The following PLEKHM2 variants were observed in gnomAD, a reference collection of about 807,000 sequenced individuals.
The protein encoded by PLEKHM2 is pleckstrin homology and RUN domain containing M2.
A neutral mutation model predicts 116.3 loss-of-function variants in PLEKHM2; 77 were observed. The observed-to-expected ratio is 0.66, with a 90% CI of 0.55 to 0.80. PLEKHM2 has a LOEUF of 0.80. Among genes scored for constraint, PLEKHM2 ranks in the 30% least tolerant of loss-of-function variants. PLEKHM2 has a pLI of 0.00. For synonymous variants in PLEKHM2, 562 were observed against 571.0 expected (o/e 0.98, Z 0.22); for missense variants, 1,183 against 1,354.9 (o/e 0.87, Z 1.99).
Position 15,734,132 on chromosome 1 carries a change from C to A in PLEKHM2, c.*198C>A. ...CAGGTGCCCGGCACCCCTGGGCATC[C>A]TGCCCGACAGGTAGCGAATGGAGGT... On this transcript the variant is annotated 3_prime_UTR_variant, in exon 20 of 20. Coordinates refer to ENST00000375799, the MANE Select transcript of PLEKHM2 (RefSeq NM_015164.4). 1 of 613,534 alleles carries A rather than the reference C, an allele frequency of 1.6e-6. No individual in the cohort carries two copies. 38.0% of individuals were successfully genotyped at this position (613,534 alleles called of 1,614,324 possible).
intron 8 of PLEKHM2, 48 bp from the exon 9 acceptor site, chr1:15,726,966 C>A: frequency 7.7e-7 from 1 of 1,302,156 alleles, no homozygotes; most frequent in Non-Finnish European, 1.0e-6. Context: ...TTTTCCTCAG[C>A]ACTGGACTAC....
Position 15,719,727 on chromosome 1 carries a change from T to C in PLEKHM2, c.466-7T>C. On this transcript the variant is annotated splice_region_variant and splice_polypyrimidine_tract_variant and intron_variant, in intron 5 of 19. Transcript: ENST00000375799. The surrounding 1 kb of genome is among the most constrained non-coding windows in gnomAD (Gnocchi z 4.1). ...CACCAAACGGGCCTCCTCTACTCTCTCCTCAGGATGCCCCTTACCTAGACC... is the reference window on the plus strand; with the variant it reads ...CACCAAACGGGCCTCCTCTACTCTCCCCTCAGGATGCCCCTTACCTAGACC... 6.2e-7 allele frequency: 1 copy of C among 1,606,894 alleles called. No homozygotes were observed.
Position 15,729,735 on chromosome 1 carries a change from A to G in PLEKHM2, c.2076-62A>G. ...TCCAGGCCAGCAGCGCTCAAGACTA[A>G]GCCCTGTCCAGTTGAGGCCCTGTTC... On this transcript the variant is annotated intron_variant, in intron 13 of 19. Transcript: ENST00000375799. This position sits in a 1 kb window ranked among gnomAD's most constrained non-coding sequence, Gnocchi z 4.7. 1 of 1,487,948 alleles carries G rather than the reference A, an allele frequency of 6.7e-7. No homozygotes were observed. The highest frequency in any genetic ancestry group is 9.1e-7 in the Non-Finnish European group (1 of 1,096,664). The allele number at this position is 1,487,948 out of a possible 1,614,324, so 92.2% of individuals were successfully genotyped here. A position where few individuals can be genotyped will look rare whatever the true frequency, so the allele number is the denominator to read the frequency against.
chr1:15,681,700 G>GT (rs1297477922), upstream of PLEKHM2: 1 of 425,428 alleles, frequency 2.4e-6, no homozygotes, highest in African/African-American at 2.0e-5. Context: ...AACACCTTTG[G>GT]TAAGTAGGAG....
chr1:15,689,798 C>T (rs1302730775), intron 1 of PLEKHM2, among the ~76,000 whole-genome samples: 1 of 152,162 alleles, frequency 6.6e-6, no homozygotes, highest in Non-Finnish European at 1.5e-5. Flanking sequence ...CTCTTGTTGC[C>T]CAGGCTGGAG....
At chr1:15,704,993 G>A (rs1317531093) in intron 1 of PLEKHM2, among the ~76,000 whole-genome samples, 2 of 151,984 alleles carry the variant, frequency 1.3e-5, no homozygotes, top group Admixed American at 6.6e-5. Context: ...AAAGGGGCCC[G>A]GGCATTGTTG....
Position 15,733,985 on chromosome 1 carries a change from C to T in PLEKHM2, c.*51C>T, listed in dbSNP as rs371434584. The T allele has an allele frequency of 8.9e-5, 140 of 1,570,426 alleles. No individual in the cohort carries two copies. The highest frequency in any genetic ancestry group is 6.9e-4 in the African/African-American group (51 of 74,086). ...GGGCAGGAAAGGAAGGCACGCCAGC[C>T]GGCAGGCACACTGTCACGGCTGTTG... On this transcript the variant is annotated 3_prime_UTR_variant, in exon 20 of 20. Coordinates refer to ENST00000375799, the MANE Select transcript of PLEKHM2 (RefSeq NM_015164.4).
chr1:15,699,287 C>T (rs1355856774), intron 1 of PLEKHM2, among the ~76,000 whole-genome samples: 1 of 152,090 alleles, frequency 6.6e-6, no homozygotes, highest in Admixed American at 6.6e-5. Context: ...TGGTTTGCTG[C>T]ACCCATTAAC....
At chr1:15,715,854 C>A (rs1571049644) in intron 1 of PLEKHM2, among the ~76,000 whole-genome samples, 1 of 152,350 alleles carries the variant, frequency 6.6e-6, no homozygotes, top group East Asian at 1.9e-4. Flanking sequence ...AATGCCCCAA[C>A]TCTGGGTTTG....
rs1481616342 is a variant in PLEKHM2, at chr1:15,719,401, G to A, written c.466-333G>A. Among the ~76,000 whole-genome samples the A allele has an allele frequency of 2.6e-5, 4 of 151,824 alleles. No individual in the cohort carries two copies. Among genetic ancestry groups the A allele is most frequent in the Admixed American group, 1.3e-4 (2 of 15,234 alleles). Reference sequence around the variant, plus strand: ...CGGGAGGTGGAAGTTGCAGTGAGCCGAGCCACGTCATTGCACTCCAGCCAG... The same window carrying A: ...CGGGAGGTGGAAGTTGCAGTGAGCCAAGCCACGTCATTGCACTCCAGCCAG... On this transcript the variant is annotated intron_variant, in intron 5 of 19. Coordinates refer to ENST00000375799, the MANE Select transcript of PLEKHM2 (RefSeq NM_015164.4). This position sits in a 1 kb window ranked among gnomAD's most constrained non-coding sequence, Gnocchi z 4.1.
rs369410677 is a variant in PLEKHM2, at chr1:15,684,697, G to GGCGACCCTGCTGCCGCAGGGACTC, written c.60+80_60+81insCGACCCTGCTGCCGCAGGGACTCG. ...CCCTCCGGCGGCGCTCTCCCGGGCCGGGGCCCCCCGCCCTTCCCCTCCGCG... is the reference window on the plus strand; with the variant it reads ...CCCTCCGGCGGCGCTCTCCCGGGCCGGCGACCCTGCTGCCGCAGGGACTCGGGCCCCCCGCCCTTCCCCTCCGCG... On this transcript the variant is annotated intron_variant, in intron 1 of 19. Coordinates refer to ENST00000375799, the MANE Select transcript of PLEKHM2 (RefSeq NM_015164.4). 215,941 of 794,356 alleles carry GGCGACCCTGCTGCCGCAGGGACTC rather than the reference G, an allele frequency of 0.27. 38,002 individuals carry two copies. The highest frequency in any genetic ancestry group is 0.69 in the African/African-American group (37,149 of 54,110). The allele number at this position is 794,356 out of a possible 1,614,324, so 49.2% of individuals were successfully genotyped here. A position where few individuals can be genotyped will look rare whatever the true frequency, so the allele number is the denominator to read the frequency against.
chr1:15,709,650 G>C (rs1418963847), intron 1 of PLEKHM2, among the ~76,000 whole-genome samples: 1 of 152,054 alleles, frequency 6.6e-6, no homozygotes, highest in African/African-American at 2.4e-5. Flanking sequence ...CCTGCCTACG[G>C]AGCCTTCTCT....
At chr1:15,714,491 T>C (rs1471873801) in intron 1 of PLEKHM2, among the ~76,000 whole-genome samples, 1 of 152,214 alleles carries the variant, frequency 6.6e-6, no homozygotes, top group Non-Finnish European at 1.5e-5. Flanking sequence ...TAGAAATCTT[T>C]CCTTCTGGTG....
At position 15,721,285 on chromosome 1, in the gene PLEKHM2, C is replaced by A; in HGVS notation, c.653-44C>A. 1.6e-6 allele frequency: 2 copies of A among 1,260,328 alleles called. No individual in the cohort carries two copies. Among genetic ancestry groups the A allele is most frequent in the Non-Finnish European group, 2.3e-6 (2 of 883,466 alleles). The allele number at this position is 1,260,328 out of a possible 1,614,324, so 78.1% of individuals were successfully genotyped here. On this transcript the variant is annotated intron_variant, in intron 6 of 19. Transcript: ENST00000375799. This position sits in a 1 kb window ranked among gnomAD's most constrained non-coding sequence, Gnocchi z 5.1. ...TCCCCTCCCTCCAGTCATCCTTCCACTGCCTGTGTTTCTAATCTTCAGTTT... is the reference window on the plus strand; with the variant it reads ...TCCCCTCCCTCCAGTCATCCTTCCAATGCCTGTGTTTCTAATCTTCAGTTT...
upstream of PLEKHM2, among the ~76,000 whole-genome samples, chr1:15,682,486 A>C (rs1211218303): frequency 6.6e-6 from 1 of 151,112 alleles, no homozygotes; most frequent in African/African-American, 2.4e-5. Context: ...GCATGGTGTC[A>C]CATGCACTTG....
At chr1:15,691,867 G>T (rs1253681737) in intron 1 of PLEKHM2, among the ~76,000 whole-genome samples, 1 of 152,096 alleles carries the variant, frequency 6.6e-6, no homozygotes, top group Non-Finnish European at 1.5e-5. Flanking sequence ...CCAGCACTTT[G>T]CGGGGCTGAG....
chr1:15,721,253 T>G lies in PLEKHM2; in HGVS notation c.653-76T>G. 3.4e-5 allele frequency: 19 copies of G among 559,958 alleles called. No individual in the cohort carries two copies. The highest frequency in any genetic ancestry group is 5.1e-5 in the Non-Finnish European group (15 of 293,482). The allele number at this position is 559,958 out of a possible 1,614,324, so 34.7% of individuals were successfully genotyped here. ...TTTTCTCCCCATGTCTCCCACCCCA[T>G]TTCCCCTCCCCTCCCTCCAGTCATC... On this transcript the variant is annotated intron_variant, in intron 6 of 19. Transcript: ENST00000375799. This position sits in a 1 kb window ranked among gnomAD's most constrained non-coding sequence, Gnocchi z 5.1.
At chr1:15,732,075 ACCTGGCTTG>A (rs1394839505) in intron 17 of PLEKHM2, 27 bp downstream of exon 17, 2 of 1,601,244 alleles carry the variant, frequency 1.2e-6, no homozygotes, top group South Asian at 2.2e-5. Flanking sequence ...CCTACCGCTC[ACCTGGCTTG>A]CCTGACCCAC....
chr1:15,730,428 C>T (rs1428394313), intron 14 of PLEKHM2, 104 bp from the exon 15 acceptor site: 19 of 893,226 alleles, frequency 2.1e-5, no homozygotes, highest in African/African-American at 3.4e-5. Flanking sequence ...GGCGACAGAG[C>T]GAGACTCCAT....
Sources: allele counts gnomAD v4.1 joint callset (sites outside exome capture counted in the v4.1 genomes callset), GRCh38; gene constraint gnomAD v4.1.1; non-coding constraint Gnocchi (gnomAD v3.1); transcripts MANE v1.5; gene names NCBI Gene and HGNC (gene_info 2026-07-23, HGNC 2026-07-21).